The following C16orf74 variants were observed in gnomAD, a reference collection of about 807,000 sequenced individuals.
C16orf74 encodes calcimembrin.
C16orf74 carries 10 observed loss-of-function variants against 6.5 expected under a neutral mutation model. The ratio of observed to expected loss-of-function variants is 1.54; its 90% confidence interval spans 0.95 to 2.61. C16orf74 has a LOEUF of 2.61. Among genes scored for constraint, C16orf74 ranks in the 30% most tolerant of loss-of-function variants. The probability of loss-of-function intolerance (pLI) is 0.00; values close to 1 mark genes in which losing one functional copy is unlikely to be tolerated. For synonymous variants in C16orf74, 60 were observed against 42.5 expected, an observed-to-expected ratio of 1.41 and a Z score of -1.60; for missense variants, 141 against 105.9, an observed-to-expected ratio of 1.33 and a Z score of -1.45.
At chr16:85,742,619 G>A (rs1042545703) in intron 1 of C16orf74, among the ~76,000 whole-genome samples, 2 of 151,820 alleles carry the variant, frequency 1.3e-5, no homozygotes, top group Non-Finnish European at 2.9e-5. Context: ...TCGGCTCACT[G>A]CAACCTCCGC....
At chr16:85,748,943 T>TTTTTA (rs1567815873) in intron 1 of C16orf74, among the ~76,000 whole-genome samples, 1 of 144,330 alleles carries the variant, frequency 6.9e-6, no homozygotes, top group African/African-American at 2.5e-5. Flanking sequence ...TTTTTTTTTT[T>TTTTTA]TTTTATTTTA....
At chr16:85,738,797 C>G (rs1223282378) in intron 1 of C16orf74, among the ~76,000 whole-genome samples, 2 of 152,058 alleles carry the variant, frequency 1.3e-5, no homozygotes, top group Non-Finnish European at 2.9e-5. Flanking sequence ...TCACCATGGG[C>G]CCGGCACTGT....
intron 2 of C16orf74, among the ~76,000 whole-genome samples, chr16:85,714,660 C>T (rs2054004906): frequency 6.6e-6 from 1 of 151,186 alleles, no homozygotes; most frequent in Non-Finnish European, 1.5e-5. Context: ...CCTTGTGATC[C>T]ACCCGCCTTG....
In C16orf74 at chr16:85,710,094, C is replaced by T. The variant is rs559937633; in HGVS notation, c.172+70G>A. 8 of 1,301,372 alleles carry T rather than the reference C, an allele frequency of 6.1e-6. No homozygotes were observed. In the East Asian group the frequency reaches 9.4e-5, roughly 15 times the overall value. The allele number at this position is 1,301,372 out of a possible 1,614,324, so 80.6% of individuals were successfully genotyped here. ...AGCTAGGCCCCGTGGCCAGGAAGGA[C>T]GCCCCTGAGAGCTGTCTCCACCGGG... On this transcript the variant is annotated intron_variant, in intron 3 of 3. Transcript: ENST00000284245.
chr16:85,727,953 C>T lies in C16orf74; in HGVS notation c.28+7237G>A, dbSNP rs1407049410. ...GACTAGCCCGAGCAACAAAGCGAGA[C>T]CCCTTCTCTACAAAAAAAAAAAAAA... is the stretch of plus-strand genomic sequence containing the variant. On this transcript the variant is annotated intron_variant, in intron 2 of 3. Coordinates refer to ENST00000284245, the MANE Select transcript of C16orf74 (RefSeq NM_206967.3). Among the ~76,000 whole-genome samples the T allele has an allele frequency of 2.1e-5, 3 of 142,556 alleles. No individual in the cohort carries two copies. The East Asian group carries it at 6.0e-4, about 28-fold the overall frequency. 93.5% of individuals were successfully genotyped at this position (142,556 alleles called of 152,430 possible).
In C16orf74 at chr16:85,720,099, T is replaced by C. The variant is rs796958064; in HGVS notation, c.29-9792A>G. Among the ~76,000 whole-genome samples the C allele has an allele frequency of 3.9e-5, 6 of 152,130 alleles. No homozygotes were observed. In the East Asian group the frequency reaches 1.2e-3, roughly 29 times the overall value. On this transcript the variant is annotated intron_variant, in intron 2 of 3. Transcript: ENST00000284245. ...TTACAGGGAAAGCTTTGTGTTATTA[T>C]GGATGAGGCTGGGGTAGCTCTTGGC...
chr16:85,747,062 G>A (rs897212524), intron 1 of C16orf74, among the ~76,000 whole-genome samples: 12 of 150,586 alleles, frequency 8.0e-5, no homozygotes, highest in Non-Finnish European at 3.0e-5. Flanking sequence ...GGTGGAGGCA[G>A]GAGGCCCACC....
intron 2 of C16orf74, 38 bp from the exon 3 acceptor site, chr16:85,710,345 A>G: frequency 6.9e-7 from 1 of 1,443,682 alleles, no homozygotes; most frequent in Non-Finnish European, 9.0e-7. Flanking sequence ...GCACGTACAC[A>G]CGACAGAGAG....
At chr16:85,750,503 A>G (rs1414468092) in intron 1 of C16orf74, among the ~76,000 whole-genome samples, 1 of 152,058 alleles carries the variant, frequency 6.6e-6, no homozygotes, top group Non-Finnish European at 1.5e-5. Flanking sequence ...TAGATTTGGA[A>G]ATACTCGATA....
At chr16:85,714,732 G>A (rs1202719661) in intron 2 of C16orf74, among the ~76,000 whole-genome samples, 1 of 151,586 alleles carries the variant, frequency 6.6e-6, no homozygotes, top group East Asian at 2.0e-4. Context: ...AAGACTCTTG[G>A]CCCCCGACTG....
At chr16:85,715,054 G>A (rs2054009363) in intron 2 of C16orf74, among the ~76,000 whole-genome samples, 1 of 151,690 alleles carries the variant, frequency 6.6e-6, no homozygotes, top group African/African-American at 2.4e-5. Context: ...CTACTCGGGA[G>A]GCTGAGGCAG....
intron 3 of C16orf74, among the ~76,000 whole-genome samples, chr16:85,709,653 T>G (rs996103512): frequency 6.6e-6 from 1 of 152,122 alleles, no homozygotes; most frequent in Non-Finnish European, 1.5e-5. Flanking sequence ...GGCTGCCGAT[T>G]TGGGCCTCTG....
rs570181645 is a variant in C16orf74, at chr16:85,739,144, G to A, written c.-18-3909C>T. ...GCCGCCAGCCTTGCCAAGGGGTCCT[G>A]CAGCCCTGACGTCAGGATCAACCAC... is the stretch of plus-strand genomic sequence containing the variant. On this transcript the variant is annotated intron_variant, in intron 1 of 3. Transcript: ENST00000284245. 5.7e-4 allele frequency among the ~76,000 whole-genome samples: 71 copies of A among 124,494 alleles called. 1 individual carries two copies. Among genetic ancestry groups the A allele is most frequent in the Non-Finnish European group, 1.1e-3 (65 of 59,760 alleles). The allele number at this position is 124,494 out of a possible 152,430, so 81.7% of individuals were successfully genotyped here.
At position 85,733,218 on chromosome 16, in the gene C16orf74, C is replaced by T. The variant is rs186430031; in HGVS notation, c.28+1972G>A. ...GTCCACATGGTGGAATATTATTCAG[C>T]CGTGAAAAGGAACGAAGCAGTGATG... is the stretch of plus-strand genomic sequence containing the variant. On this transcript the variant is annotated intron_variant, in intron 2 of 3. Transcript: ENST00000284245. 3.9e-5 allele frequency among the ~76,000 whole-genome samples: 6 copies of T among 152,346 alleles called. No individual in the cohort carries two copies. The East Asian group carries it at 9.6e-4, about 24-fold the overall frequency.
Position 85,724,472 on chromosome 16 carries a change from T to G in C16orf74, c.28+10718A>C, listed in dbSNP as rs2054113244. Among the ~76,000 whole-genome samples the G allele has an allele frequency of 2.6e-5, 4 of 152,240 alleles. No individual in the cohort carries two copies. The South Asian group carries it at 8.3e-4, about 32-fold the overall frequency. ...CATACTCTGGCTGGGTGACCTCAGG[T>G]GGGAGCTTTACCACCTGACACCTCA... On this transcript the variant is annotated intron_variant, in intron 2 of 3. Coordinates refer to ENST00000284245, the MANE Select transcript of C16orf74 (RefSeq NM_206967.3).
At position 85,710,188 on chromosome 16, in the gene C16orf74, G is replaced by A; in HGVS notation, c.148C>T (p.Leu50=). 1 of 1,477,496 alleles carries A rather than the reference G, an allele frequency of 6.8e-7. No homozygotes were observed. Among genetic ancestry groups the A allele is most frequent in the Non-Finnish European group, 8.9e-7 (1 of 1,124,972 alleles). 91.5% of individuals were successfully genotyped at this position (1,477,496 alleles called of 1,614,324 possible). ...CCTGTGCTCCCCAAGTCCCTCGGCA[G>A]CATCATGCCCGTGGGGGTGGGGGGC... ...ITPPTPTGMM[L]PRDLGSTVWL... The change falls in exon 3 of 4, where the codon CTG becomes TTG. Residue 50 remains leucine, a synonymous_variant. Coordinates refer to ENST00000284245, the MANE Select transcript of C16orf74 (RefSeq NM_206967.3).
chr16:85,714,247 G>A (rs1434256147), intron 2 of C16orf74, among the ~76,000 whole-genome samples: 1 of 152,008 alleles, frequency 6.6e-6, no homozygotes, highest in East Asian at 1.9e-4. Context: ...CCTTTGTCCT[G>A]TGCACAGCCA....
chr16:85,709,035 T>A (rs2053940932), intron 3 of C16orf74, among the ~76,000 whole-genome samples: 1 of 152,232 alleles, frequency 6.6e-6, no homozygotes. Flanking sequence ...ATGGCAAGTG[T>A]CTCAGCCTCT....
chr16:85,714,379 T>C (rs2053998437), intron 2 of C16orf74, among the ~76,000 whole-genome samples: 2 of 76,804 alleles, frequency 2.6e-5, no homozygotes, highest in East Asian at 1.8e-3. Context: ...GGAAGACCTA[T>C]TATTTATTTA....
Sources: allele counts gnomAD v4.1 joint callset (sites outside exome capture counted in the v4.1 genomes callset), GRCh38; gene constraint gnomAD v4.1.1; transcripts MANE v1.5; gene names NCBI Gene and HGNC (gene_info 2026-07-23, HGNC 2026-07-21).